PXDNL: variants seen among roughly 807,000 people sequenced by gnomAD.
The protein encoded by PXDNL is probable oxidoreductase PXDNL.
PXDNL carries 145 observed loss-of-function variants against 150.8 expected under a neutral mutation model. The ratio of observed to expected loss-of-function variants is 0.96; its 90% CI spans 0.84 to 1.10. The LOEUF (loss-of-function observed/expected upper bound fraction) is 1.10. PXDNL is among the 50% of genes least tolerant of loss of function. The pLI is 0.00. For synonymous variants in PXDNL, 757 were observed against 725.7 expected (o/e 1.04, Z -0.69); for missense variants, 2,087 against 1,873.9 (o/e 1.11, Z -2.10).
chr8:51,347,296 GATT>G (rs1457866682), intron 19 of PXDNL, among the ~76,000 whole-genome samples: 2 of 152,146 alleles, frequency 1.3e-5, no homozygotes, highest in African/African-American at 4.8e-5. Context: ...TTACATGAAA[GATT>G]ATTAAGCTAA....
At chr8:51,422,763 C>A (rs1055781748) in intron 14 of PXDNL, among the ~76,000 whole-genome samples, 2 of 152,050 alleles carry the variant, frequency 1.3e-5, no homozygotes, top group Non-Finnish European at 2.9e-5. Flanking sequence ...AACCCATTTG[C>A]AAAAAAAGCA....
At chr8:51,575,467 C>T (rs897527341) in intron 3 of PXDNL, among the ~76,000 whole-genome samples, 1 of 152,086 alleles carries the variant, frequency 6.6e-6, no homozygotes, top group African/African-American at 2.4e-5. Context: ...TGAATCCCAG[C>T]ACATTGGGAG....
chr8:51,601,433 T>C (rs981784756), intron 2 of PXDNL, among the ~76,000 whole-genome samples: 1 of 152,114 alleles, frequency 6.6e-6, no homozygotes, highest in African/African-American at 2.4e-5. Context: ...TTAGGATAGT[T>C]AAGTCTTCTT....
At chr8:51,467,069 C>T (rs916227799) in intron 8 of PXDNL, among the ~76,000 whole-genome samples, 3 of 152,140 alleles carry the variant, frequency 2.0e-5, no homozygotes, top group Non-Finnish European at 2.9e-5. Context: ...AATCCTTCTA[C>T]CAAAAAGACC....
At chr8:51,698,507 C>A (rs544494750) in intron 1 of PXDNL, among the ~76,000 whole-genome samples, 61 of 152,266 alleles carry the variant, frequency 4.0e-4, no homozygotes, top group African/African-American at 1.4e-3. Context: ...AATTTTAGTT[C>A]TCTTGCTATT....
chr8:51,608,002 G>GAAAGA (rs1554557475), intron 2 of PXDNL, among the ~76,000 whole-genome samples: 1 of 64,632 alleles, frequency 1.5e-5, no homozygotes, highest in Non-Finnish European at 2.8e-5. Context: ...AGGAAGGAAG[G>GAAAGA]AAGAAAGAAA....
At chr8:51,553,946 A>G (rs758917586) in intron 4 of PXDNL, among the ~76,000 whole-genome samples, 9 of 152,094 alleles carry the variant, frequency 5.9e-5, no homozygotes, top group Non-Finnish European at 1.2e-4. Context: ...AGGAGTTTAT[A>G]CATCCACATT....
At chr8:51,446,915 T>C in intron 12 of PXDNL, 89 bp downstream of exon 12, 2 of 1,073,852 alleles carry the variant, frequency 1.9e-6, no homozygotes, top group Non-Finnish European at 2.8e-6. Context: ...TATATAGTCA[T>C]ATATGTCATA....
intron 1 of PXDNL, among the ~76,000 whole-genome samples, chr8:51,666,204 A>G (rs1428120872): frequency 1.3e-5 from 2 of 152,142 alleles, no homozygotes; most frequent in African/African-American, 4.8e-5. Context: ...GCATTTGATC[A>G]TGTTAGCTCC....
chr8:51,685,131 T>C (rs1815844216), intron 1 of PXDNL, among the ~76,000 whole-genome samples: 1 of 152,250 alleles, frequency 6.6e-6, no homozygotes, highest in Non-Finnish European at 1.5e-5. Flanking sequence ...CTCACTGTGC[T>C]GCTTTTATTC....
chr8:51,376,335 C>G (rs1807308965), intron 17 of PXDNL, among the ~76,000 whole-genome samples: 1 of 152,314 alleles, frequency 6.6e-6, no homozygotes, highest in Admixed American at 6.5e-5. Flanking sequence ...TTAGTCAACT[C>G]TCATCACTGC....
chr8:51,547,351 T>C (rs1214921527), intron 4 of PXDNL, among the ~76,000 whole-genome samples: 1 of 152,138 alleles, frequency 6.6e-6, no homozygotes, highest in African/African-American at 2.4e-5. Flanking sequence ...ACTCTGGCCA[T>C]GTGACAGCTT....
At chr8:51,438,960 G>A (rs897734398) in intron 12 of PXDNL, among the ~76,000 whole-genome samples, 1 of 152,170 alleles carries the variant, frequency 6.6e-6, no homozygotes, top group Non-Finnish European at 1.5e-5. Flanking sequence ...AGACCTGAAA[G>A]CATAAAAACT....
intron 2 of PXDNL, among the ~76,000 whole-genome samples, chr8:51,614,036 G>A (rs1262574859): frequency 6.6e-6 from 1 of 152,174 alleles, no homozygotes; most frequent in Non-Finnish European, 1.5e-5. Flanking sequence ...CCACCTGATG[G>A]TTGTGCCATC....
intron 1 of PXDNL, among the ~76,000 whole-genome samples, chr8:51,752,963 G>T (rs1340469070): frequency 6.6e-6 from 1 of 152,214 alleles, no homozygotes; most frequent in Non-Finnish European, 1.5e-5. Context: ...CAAGACCAAG[G>T]TGTCTGCCAG....
chr8:51,656,376 A>AT (rs1398604125), intron 1 of PXDNL, among the ~76,000 whole-genome samples: 2 of 152,230 alleles, frequency 1.3e-5, no homozygotes, highest in East Asian at 1.9e-4. Context: ...TGCACTGCTT[A>AT]TACACCATCC....
intron 5 of PXDNL, among the ~76,000 whole-genome samples, chr8:51,496,363 T>C (rs1198872146): frequency 2.6e-5 from 4 of 152,046 alleles, no homozygotes; most frequent in Admixed American, 1.3e-4. Context: ...CCTTTGAAAA[T>C]GGGCACAAGA....
intron 4 of PXDNL, among the ~76,000 whole-genome samples, chr8:51,523,747 C>A (rs144983990): frequency 6.6e-6 from 1 of 152,180 alleles, no homozygotes; most frequent in Non-Finnish European, 1.5e-5. Context: ...CAAGCATGAT[C>A]TTCCCCTTTG....
At chr8:51,734,051 T>G (rs181072312) in intron 1 of PXDNL, among the ~76,000 whole-genome samples, 1 of 152,092 alleles carries the variant, frequency 6.6e-6, no homozygotes, top group African/African-American at 2.4e-5. Flanking sequence ...AGCTGAGGAA[T>G]GATGTTCTCA....
Sources: allele counts gnomAD v4.1 joint callset (sites outside exome capture counted in the v4.1 genomes callset), GRCh38; gene constraint gnomAD v4.1.1; transcripts MANE v1.5; gene names NCBI Gene and HGNC (gene_info 2026-07-23, HGNC 2026-07-21).